Variants in NIM1K observed in about 807,000 individuals in gnomAD.
NIM1K encodes NIM1 serine/threonine protein kinase.
In NIM1K, 35 loss-of-function variants were observed where a neutral mutation model predicts 37.1. That is an observed-to-expected ratio of 0.94 (90% CI 0.72 to 1.25). NIM1K has a LOEUF of 1.25. Among genes scored for constraint, NIM1K ranks in the 50% most tolerant of loss-of-function variants. The pLI is 0.00. For synonymous variants in NIM1K, 234 were observed against 206.6 expected, an observed-to-expected ratio of 1.13 and a Z score of -1.14; for missense variants, 564 against 548.0, an observed-to-expected ratio of 1.03 and a Z score of -0.29.
rs34538655 is a variant in NIM1K, at chr5:43,277,815, TGAGA to T, written c.561+515_561+518del. Among the ~76,000 whole-genome samples the T allele has an allele frequency of 2.9e-3, 371 of 128,930 alleles. 3 individuals are homozygous for T. The highest frequency in any genetic ancestry group is 4.8e-3 in the African/African-American group (167 of 34,578). The allele number at this position is 128,930 out of a possible 152,430, so 84.6% of individuals were successfully genotyped here. ...GTGTGTGTGTGTGTGTGTGTGTGTGTGAGAGAGAGAGAGAGAGAGAGAGAGAGAT... is the reference window on the plus strand; with the variant it reads ...GTGTGTGTGTGTGTGTGTGTGTGTGTGAGAGAGAGAGAGAGAGAGAGAGAT... On this transcript the variant is annotated intron_variant, in intron 3 of 3. Transcript: ENST00000326035.
chr5:43,246,759 C>A (rs1447026129), intron 2 of NIM1K, among the ~76,000 whole-genome samples: 1 of 152,186 alleles, frequency 6.6e-6, no homozygotes, highest in Non-Finnish European at 1.5e-5. Context: ...GCGCCCAGCA[C>A]TTTGGCCTCA....
At chr5:43,214,949 TG>T (rs1752278816) in intron 1 of NIM1K, among the ~76,000 whole-genome samples, 1 of 151,768 alleles carries the variant, frequency 6.6e-6, no homozygotes. Context: ...TGTACAGAGG[TG>T]GGGGTAGATG....
At chr5:43,251,333 C>T (rs1292881873) in intron 2 of NIM1K, among the ~76,000 whole-genome samples, 1 of 152,320 alleles carries the variant, frequency 6.6e-6, no homozygotes, top group East Asian at 1.9e-4. Flanking sequence ...TAAAGGAGAG[C>T]TGAAATGGGA....
chr5:43,259,419 T>C (rs117021836), intron 2 of NIM1K, among the ~76,000 whole-genome samples: 1 of 152,338 alleles, frequency 6.6e-6, no homozygotes, highest in East Asian at 1.9e-4. Flanking sequence ...ATGTTACCTT[T>C]TCACCACATT....
chr5:43,205,630 C>T (rs1752097247), intron 1 of NIM1K, among the ~76,000 whole-genome samples: 1 of 152,146 alleles, frequency 6.6e-6, no homozygotes, highest in Non-Finnish European at 1.5e-5. Flanking sequence ...CTCAAATGTC[C>T]TTCAAAAAGT....
chr5:43,241,037 A>T (rs1752695112), intron 1 of NIM1K, among the ~76,000 whole-genome samples: 1 of 152,134 alleles, frequency 6.6e-6, no homozygotes, highest in Admixed American at 6.5e-5. Flanking sequence ...AGTTACAGCC[A>T]AATTACCTTC....
At chr5:43,217,306 T>C (rs1278264704) in intron 1 of NIM1K, among the ~76,000 whole-genome samples, 1 of 152,170 alleles carries the variant, frequency 6.6e-6, no homozygotes, top group Non-Finnish European at 1.5e-5. Flanking sequence ...CGGTGCTTCA[T>C]TTCTATTTAT....
chr5:43,269,744 G>A (rs374007510), intron 2 of NIM1K, among the ~76,000 whole-genome samples: 7 of 151,616 alleles, frequency 4.6e-5, no homozygotes, highest in Non-Finnish European at 8.8e-5. Context: ...TCAGCCTCCC[G>A]AGTAGCTGGG....
In NIM1K at chr5:43,245,919, C is replaced by T. The variant is rs370653085; in HGVS notation, c.144C>T (p.Phe48=). 8.2e-5 allele frequency: 133 copies of T among 1,613,968 alleles called. No homozygotes were observed. The highest frequency in any genetic ancestry group is 1.1e-4 in the Non-Finnish European group (125 of 1,180,026). ...EEGQPRQLTP[F]EKLTQDMSQD... Reference sequence around the variant, plus strand: ...GACAGCCCCGCCAGCTGACGCCCTTCGAGAAACTGACACAGGACATGTCCC... The same window carrying T: ...GACAGCCCCGCCAGCTGACGCCCTTTGAGAAACTGACACAGGACATGTCCC... The change falls in exon 2 of 4, where the codon TTC becomes TTT. Residue 48 remains phenylalanine (F), a synonymous_variant. Transcript: ENST00000326035.
At chr5:43,219,032 G>A (rs74433490) in intron 1 of NIM1K, among the ~76,000 whole-genome samples, 3,607 of 152,090 alleles carry the variant, frequency 0.024, 143 homozygotes, top group East Asian at 0.16. Flanking sequence ...GCGATCTGAC[G>A]CTTTTATAAG....
chr5:43,266,281 T>C (rs1215339772), intron 2 of NIM1K, among the ~76,000 whole-genome samples: 6 of 152,182 alleles, frequency 3.9e-5, no homozygotes, highest in African/African-American at 1.4e-4. Flanking sequence ...AGTTTGAGCT[T>C]CCCAGCTGCT....
At chr5:43,214,326 ACACAC>A (rs68191843) in intron 1 of NIM1K, among the ~76,000 whole-genome samples, 68,268 of 151,482 alleles carry the variant, frequency 0.45, 15,808 homozygotes, top group African/African-American at 0.48. Context: ...AACAATAAAA[ACACAC>A]CCAGAAGTAT....
At chr5:43,202,888 AC>A (rs748680116) in intron 1 of NIM1K, among the ~76,000 whole-genome samples, 3 of 152,056 alleles carry the variant, frequency 2.0e-5, no homozygotes, top group Non-Finnish European at 4.4e-5. Context: ...AGAGTAGTAG[AC>A]CCTAGAAAGC....
At chr5:43,276,306 G>T (rs1334589309) in intron 2 of NIM1K, among the ~76,000 whole-genome samples, 1 of 152,242 alleles carries the variant, frequency 6.6e-6, no homozygotes, top group Non-Finnish European at 1.5e-5. Flanking sequence ...TCCAATCATG[G>T]TGGAAGGTGG....
At chr5:43,253,200 ATAATATAATATATGTGTG>A (rs1752892044) in intron 2 of NIM1K, among the ~76,000 whole-genome samples, 2 of 104,538 alleles carry the variant, frequency 1.9e-5, no homozygotes, top group African/African-American at 6.9e-5. Context: ...AATATAATAT[ATAATATAATATATGTGTG>A]TGTGTGTGTG....
chr5:43,239,634 C>T (rs1752668265), intron 1 of NIM1K, among the ~76,000 whole-genome samples: 1 of 151,982 alleles, frequency 6.6e-6, no homozygotes. Flanking sequence ...TCAAGTGATT[C>T]TCCTGCCTTA....
intron 1 of NIM1K, among the ~76,000 whole-genome samples, chr5:43,222,946 C>A (rs1350186554): frequency 6.6e-6 from 1 of 151,898 alleles, no homozygotes; most frequent in African/African-American, 2.4e-5. Context: ...TGAGACCAGC[C>A]TGACCAACAC....
intron 1 of NIM1K, chr5:43,232,756 T>C: frequency 8.5e-7 from 1 of 1,181,948 alleles, no homozygotes; most frequent in South Asian, 1.4e-5. Flanking sequence ...ACCAAAGCTG[T>C]GGAAAAACAA....
At chr5:43,205,794 G>T (rs1469655413) in intron 1 of NIM1K, among the ~76,000 whole-genome samples, 2 of 152,030 alleles carry the variant, frequency 1.3e-5, no homozygotes. Context: ...CTCACTGCAA[G>T]CTCCACCTCC....
Sources: allele counts gnomAD v4.1 joint callset (sites outside exome capture counted in the v4.1 genomes callset), GRCh38; gene constraint gnomAD v4.1.1; transcripts MANE v1.5; gene names NCBI Gene and HGNC (gene_info 2026-07-23, HGNC 2026-07-21).